The following WNT8B variants were observed in gnomAD, a reference collection of about 807,000 sequenced individuals.
The protein encoded by WNT8B is protein Wnt-8b.
WNT8B carries 24 observed loss-of-function variants against 36.6 expected under a neutral mutation model. The ratio of observed to expected loss-of-function variants is 0.66; its 90% CI spans 0.48 to 0.92. The LOEUF is 0.92. Among genes scored for constraint, WNT8B ranks in the 40% least tolerant of loss-of-function variants. The pLI is 0.00. For missense variants in WNT8B, 402 were observed against 470.8 expected (o/e 0.85, Z 1.35); for synonymous variants, 199 against 189.8 (o/e 1.05, Z -0.40).
In WNT8B at chr10:100,482,803, G is replaced by A. The variant is rs1260827483; in HGVS notation, c.1043G>A (p.Gly348Glu). 1 of 1,573,428 alleles carries A rather than the reference G, an allele frequency of 6.4e-7. No homozygotes were observed. Among genetic ancestry groups the A allele is most frequent in the Non-Finnish European group, 8.6e-7 (1 of 1,158,480 alleles). ...CGGGGGGGCGCTGCGCACAAACCCG[G>A]GAGAAAACCCTAAGGGTTTCCTCTG... is the stretch of plus-strand genomic sequence containing the variant. ...RPRGGAAHKP[G>E]RKP The change falls in exon 6 of 6, where the codon GGG becomes GAG. Residue 348 changes from glycine to glutamate, a missense_variant. Coordinates refer to ENST00000343737, the MANE Select transcript of WNT8B (RefSeq NM_003393.4). The surrounding 1 kb of genome is among the most constrained non-coding windows in gnomAD (Gnocchi z 6.6).
At chr10:100,478,579 GTGTT>G in intron 1 of WNT8B, among the ~76,000 whole-genome samples, 1 of 150,352 alleles carries the variant, frequency 6.7e-6, no homozygotes, top group South Asian at 2.1e-4. Flanking sequence ...ATGTGTGTGT[GTGTT>G]TTTTTTTTTT....
intron 1 of WNT8B, among the ~76,000 whole-genome samples, chr10:100,474,858 C>T (rs1216330306): frequency 2.6e-5 from 4 of 152,050 alleles, no homozygotes; most frequent in African/African-American, 9.7e-5. Context: ...CCACTGCACC[C>T]AGCTGAGTCT....
chr10:100,480,709 C>A (rs1326024309), intron 3 of WNT8B, among the ~76,000 whole-genome samples: 1 of 152,022 alleles, frequency 6.6e-6, no homozygotes, highest in Non-Finnish European at 1.5e-5. Context: ...GGGTAAGATA[C>A]ACTATAAAGA....
At position 100,483,037 on chromosome 10, in the gene WNT8B, T is replaced by G. The variant is rs181207067; in HGVS notation, c.*221T>G. ...CTGAATCCTCGCAGCCACACCTAGGTCTGAGAACTCAGGCTTTGAGTTACT... is the reference window on the plus strand; with the variant it reads ...CTGAATCCTCGCAGCCACACCTAGGGCTGAGAACTCAGGCTTTGAGTTACT... On this transcript the variant is annotated 3_prime_UTR_variant, in exon 6 of 6. Transcript: ENST00000343737. 5.2e-5 allele frequency: 26 copies of G among 503,530 alleles called. No individual in the cohort carries two copies. The highest frequency in any genetic ancestry group is 8.1e-5 in the Non-Finnish European group (24 of 295,984). 31.2% of individuals were successfully genotyped at this position (503,530 alleles called of 1,614,324 possible). A position where few individuals can be genotyped will look rare whatever the true frequency, so the allele number is the denominator to read the frequency against.
chr10:100,479,197 A>C (rs1283347691), intron 2 of WNT8B, 112 bp downstream of exon 2: 7 of 1,005,802 alleles, frequency 7.0e-6, no homozygotes, highest in Admixed American at 6.5e-5. Context: ...TGCTGTATAC[A>C]TTACAGATAG....
Position 100,463,121 on chromosome 10 carries a change from C to A in WNT8B, c.-48C>A. 1.3e-6 allele frequency: 2 copies of A among 1,551,718 alleles called. No homozygotes were observed. The highest frequency in any genetic ancestry group is 2.2e-5 in the South Asian group (2 of 89,024). ...AGAATATTTCTCCGTCTTGCTTACC[C>A]ATCTCCCAGTTTTTTGGAATTTTCT... On this transcript the variant is annotated 5_prime_UTR_variant, in exon 1 of 6. Coordinates refer to ENST00000343737, the MANE Select transcript of WNT8B (RefSeq NM_003393.4).
intron 1 of WNT8B, among the ~76,000 whole-genome samples, chr10:100,468,356 A>G (rs1031276240): frequency 7.9e-5 from 12 of 152,192 alleles, no homozygotes; most frequent in African/African-American, 2.7e-4. Context: ...GTTTCCATCG[A>G]TGCAACTGAG....
chr10:100,471,560 G>T (rs371927303), intron 1 of WNT8B, among the ~76,000 whole-genome samples: 1 of 152,242 alleles, frequency 6.6e-6, no homozygotes, highest in Admixed American at 6.5e-5. Flanking sequence ...GGCTTAGGCC[G>T]CTCAGAAATA....
intron 1 of WNT8B, among the ~76,000 whole-genome samples, chr10:100,475,422 A>C (rs1338615540): frequency 6.6e-6 from 1 of 152,212 alleles, no homozygotes; most frequent in Non-Finnish European, 1.5e-5. Flanking sequence ...TGTCCAAATA[A>C]GGCCTATAGT....
chr10:100,479,766 C>T, intron 2 of WNT8B, 108 bp from the exon 3 acceptor site: 1 of 1,384,880 alleles, frequency 7.2e-7, no homozygotes, highest in Non-Finnish European at 9.9e-7. Flanking sequence ...AAGGCTTACT[C>T]CATTATTTTG....
intron 1 of WNT8B, among the ~76,000 whole-genome samples, chr10:100,463,823 T>G (rs935732065): frequency 1.3e-5 from 2 of 152,226 alleles, no homozygotes; most frequent in African/African-American, 4.8e-5. Flanking sequence ...ATTTGTTCAA[T>G]TTACAAATAT....
intron 1 of WNT8B, among the ~76,000 whole-genome samples, 193 bp from the exon 2 acceptor site, chr10:100,478,859 A>C (rs549713406): frequency 6.6e-6 from 1 of 152,330 alleles, no homozygotes; most frequent in South Asian, 2.1e-4. Flanking sequence ...CTGGGAATAC[A>C]GGCATGAGCC....
intron 1 of WNT8B, among the ~76,000 whole-genome samples, chr10:100,470,464 C>G (rs1442606336): frequency 6.6e-6 from 1 of 151,906 alleles, no homozygotes; most frequent in Non-Finnish European, 1.5e-5. Flanking sequence ...CTCCTGGGCT[C>G]AAGCAATCGG....
chr10:100,463,022 C>T lies in WNT8B; in HGVS notation c.-147C>T. 1.5e-6 allele frequency: 1 copy of T among 665,790 alleles called. No individual in the cohort carries two copies. The highest frequency in any genetic ancestry group is 2.5e-6 in the Non-Finnish European group (1 of 393,294). The allele number at this position is 665,790 out of a possible 1,614,324, so 41.2% of individuals were successfully genotyped here. On this transcript the variant is annotated 5_prime_UTR_variant, in exon 1 of 6. Transcript: ENST00000343737. Reference sequence around the variant, plus strand: ...CGTTTGGCAGCTCCATTTCACCTCCCCTTAACTCTGTTTGGGATCGCTTAC... The same window carrying T: ...CGTTTGGCAGCTCCATTTCACCTCCTCTTAACTCTGTTTGGGATCGCTTAC...
chr10:100,479,196 C>A, intron 2 of WNT8B, 111 bp downstream of exon 2: 1 of 1,046,830 alleles, frequency 9.6e-7, no homozygotes, highest in Non-Finnish European at 1.3e-6. Context: ...ATGCTGTATA[C>A]ATTACAGATA....
intron 1 of WNT8B, among the ~76,000 whole-genome samples, chr10:100,477,097 A>T (rs1046840899): frequency 1.1e-4 from 16 of 152,128 alleles, no homozygotes; most frequent in African/African-American, 3.9e-4. Context: ...CTCTATAATT[A>T]TATAATTTTT....
At chr10:100,477,940 C>CTGTTTTTTTTTTTT (rs1169521181) in intron 1 of WNT8B, among the ~76,000 whole-genome samples, 34 of 145,148 alleles carry the variant, frequency 2.3e-4, no homozygotes, top group African/African-American at 9.3e-4. Flanking sequence ...CCATGCCTAG[C>CTGTTTTTTTTTTTT]TATTTTTTTT....
At position 100,483,001 on chromosome 10, in the gene WNT8B, T is replaced by A; in HGVS notation, c.*185T>A. On this transcript the variant is annotated 3_prime_UTR_variant, in exon 6 of 6. Transcript: ENST00000343737. ...TTTCCCCAATTCCTCTGTGCTCTCC[T>A]AGAGCTCTGTCTGAATCCTCGCAGC... 1 of 647,398 alleles carries A rather than the reference T, an allele frequency of 1.5e-6. No homozygotes were observed. Among genetic ancestry groups the A allele is most frequent in the Non-Finnish European group, 2.5e-6 (1 of 407,978 alleles). The allele number at this position is 647,398 out of a possible 1,614,324, so 40.1% of individuals were successfully genotyped here. A position where few individuals can be genotyped will look rare whatever the true frequency, so the allele number is the denominator to read the frequency against.
chr10:100,482,658 G>A lies in WNT8B; in HGVS notation c.898G>A (p.Glu300Lys), dbSNP rs891989108. The part of the protein sequence containing the change: ...LCGDCGLAVE[E>K]RRAETVSSCN... ...CGGGGACTGCGGGCTGGCGGTGGAG[G>A]AGCGCCGGGCCGAGACCGTGTCCAG... Residue 300 changes from glutamate (E) to lysine (K), a missense_variant, in exon 6 of 6, where the codon GAG becomes AAG. Coordinates refer to ENST00000343737, the MANE Select transcript of WNT8B (RefSeq NM_003393.4). The surrounding 1 kb of genome is among the most constrained non-coding windows in gnomAD (Gnocchi z 6.6). 31 of 1,607,330 alleles carry A rather than the reference G, an allele frequency of 1.9e-5. No homozygotes were observed. Among genetic ancestry groups the A allele is most frequent in the Non-Finnish European group, 2.6e-5 (31 of 1,178,796 alleles).
Sources: gnomAD v4.1 joint callset for allele counts (sites outside exome capture counted in the v4.1 genomes callset) on GRCh38, gnomAD v4.1.1 for gene constraint, Gnocchi (gnomAD v3.1) non-coding constraint, MANE v1.5 for transcripts, NCBI Gene and HGNC (gene_info 2026-07-23, HGNC 2026-07-21) for gene names.